Variants in C10orf143 observed in about 807,000 individuals in gnomAD.
C10orf143 encodes chromosome 10 open reading frame 143, also known as uncharacterized protein C10orf143.
intron 3 of C10orf143, among the ~76,000 whole-genome samples, chr10:130,039,658 TG>T (rs529316509): frequency 1.3e-3 from 193 of 152,316 alleles, no homozygotes; most frequent in African/African-American, 4.2e-3. Context: ...CACAGCCAAG[TG>T]GACCCATAAA....
chr10:130,106,156 T>G, intron 1 of C10orf143: 2 of 809,606 alleles, frequency 2.5e-6, no homozygotes, highest in Non-Finnish European at 4.2e-6. Flanking sequence ...CGAATCCTCA[T>G]GGTTTTCCAT....
chr10:130,055,031 C>G (rs1408922494), intron 3 of C10orf143, among the ~76,000 whole-genome samples: 1 of 152,022 alleles, frequency 6.6e-6, no homozygotes, highest in Non-Finnish European at 1.5e-5. Context: ...GAACGATTAT[C>G]TTACACCATA....
At chr10:130,107,528 C>G (rs758031691) in intron 1 of C10orf143, 5 of 1,350,728 alleles carry the variant, frequency 3.7e-6, no homozygotes, top group Non-Finnish European at 5.3e-6. Flanking sequence ...TAAAATAAAA[C>G]TTCTAAAAAA....
intron 1 of C10orf143, among the ~76,000 whole-genome samples, chr10:130,099,836 TTTTC>T (rs1320534855): frequency 2.4e-4 from 32 of 133,388 alleles, no homozygotes; most frequent in South Asian, 4.9e-4. Flanking sequence ...TTTTTTTATT[TTTTC>T]TTTATTTTTT....
chr10:130,058,654 G>T (rs1235324531), intron 3 of C10orf143, among the ~76,000 whole-genome samples: 2 of 149,904 alleles, frequency 1.3e-5, no homozygotes, highest in East Asian at 3.9e-4. Flanking sequence ...AAGATGATCT[G>T]GGATGAGCTT....
At chr10:130,059,884 T>C (rs992167189), downstream of C10orf143, among the ~76,000 whole-genome samples, 7 of 152,078 alleles carry the variant, frequency 4.6e-5, no homozygotes, top group African/African-American at 1.7e-4. Context: ...ATGTAGAAAT[T>C]TGATCAAAAG....
intron 3 of C10orf143, among the ~76,000 whole-genome samples, chr10:130,045,949 C>G (rs1265805240): frequency 6.6e-6 from 1 of 152,060 alleles, no homozygotes; most frequent in Non-Finnish European, 1.5e-5. Context: ...ACCTCACCTG[C>G]CGGGCGTGAG....
intron 3 of C10orf143, among the ~76,000 whole-genome samples, chr10:130,054,765 T>G (rs1430660361): frequency 6.6e-6 from 1 of 152,224 alleles, no homozygotes; most frequent in Non-Finnish European, 1.5e-5. Flanking sequence ...TAACATTGCA[T>G]ATCTTTTCAT....
At chr10:130,035,950 G>C (rs549253381) in exon 4 of C10orf143, 2 of 152,356 alleles carry the variant, frequency 1.3e-5, no homozygotes, top group Non-Finnish European at 2.9e-5. Context: ...GCCAATGCCT[G>C]TCTTCTTGCT....
chr10:130,055,869 C>T (rs1043910840), intron 3 of C10orf143, among the ~76,000 whole-genome samples: 2 of 148,560 alleles, frequency 1.3e-5, no homozygotes, highest in African/African-American at 5.0e-5. Flanking sequence ...TTGCTTGAAC[C>T]CAGGAGGCAG....
rs377469028 is a variant in C10orf143, at chr10:130,045,954, C to T, written c.298-9984G>A. The stretch of plus-strand genomic sequence containing the variant: ...CGAGTACGCGACCTCACCTGCCGGG[C>T]GTGAGGTGCTGGACTGAGACCAGGG... On this transcript the variant is annotated intron_variant and NMD_transcript_variant, in intron 3 of 5. Transcript: ENST00000643056. Among the ~76,000 whole-genome samples the T allele has an allele frequency of 9.6e-4, 146 of 152,102 alleles. 1 individual carries two copies. Among genetic ancestry groups the T allele is most frequent in the African/African-American group, 3.3e-3 (138 of 41,510 alleles).
intron 3 of C10orf143, among the ~76,000 whole-genome samples, chr10:130,046,894 G>C (rs1860681804): frequency 1.3e-5 from 2 of 152,250 alleles, no homozygotes; most frequent in Non-Finnish European, 2.9e-5. Context: ...ACAGAGTGGG[G>C]AAGTGGGCAG....
At chr10:130,109,942 C>A (rs1383465944) in intron 1 of C10orf143, among the ~76,000 whole-genome samples, 1 of 152,054 alleles carries the variant, frequency 6.6e-6, no homozygotes, top group Non-Finnish European at 1.5e-5. Flanking sequence ...AAGAACTGGC[C>A]AATTTGCAAG....
chr10:130,107,190 T>G, intron 1 of C10orf143: 1 of 1,429,344 alleles, frequency 7.0e-7, no homozygotes, highest in South Asian at 1.1e-5. Context: ...AAACTTAAAG[T>G]AATGACTGAA....
intron 1 of C10orf143, chr10:130,106,863 A>G: frequency 8.9e-7 from 1 of 1,125,134 alleles, no homozygotes; most frequent in East Asian, 2.3e-5. Context: ...CATTTGCTAA[A>G]GATGAAAGAT....
chr10:130,053,476 T>G (rs939529603), intron 3 of C10orf143, among the ~76,000 whole-genome samples: 1 of 152,240 alleles, frequency 6.6e-6, no homozygotes, highest in Non-Finnish European at 1.5e-5. Flanking sequence ...TTAAGGTTTT[T>G]GGGACCACAG....
intron 3 of C10orf143, among the ~76,000 whole-genome samples, chr10:130,052,799 G>T (rs749653750): frequency 1.3e-5 from 2 of 152,236 alleles, no homozygotes; most frequent in Non-Finnish European, 2.9e-5. Context: ...TGAAGATAAA[G>T]AAAATTATTA....
At chr10:130,081,488 T>C (rs1016145131) in intron 1 of C10orf143, among the ~76,000 whole-genome samples, 4 of 152,130 alleles carry the variant, frequency 2.6e-5, no homozygotes, top group African/African-American at 4.8e-5. Context: ...TGGACATATA[T>C]ATTGAACTCT....
intron 3 of C10orf143, among the ~76,000 whole-genome samples, chr10:130,042,621 T>C (rs1337439612): frequency 2.6e-5 from 4 of 152,198 alleles, no homozygotes; most frequent in Admixed American, 2.6e-4. Context: ...GTTAACACCA[T>C]GGGCATCTGA....
Sources: gnomAD v4.1 joint callset for allele counts (sites outside exome capture counted in the v4.1 genomes callset) on GRCh38, gnomAD v4.1.1 for gene constraint, MANE v1.5 for transcripts, NCBI Gene and HGNC (gene_info 2026-07-23, HGNC 2026-07-21) for gene names.